MAGI2: variants seen among roughly 807,000 people sequenced by gnomAD.
The protein encoded by MAGI2 is membrane-associated guanylate kinase, WW and PDZ domain-containing protein 2.
A neutral mutation model predicts 133.3 loss-of-function variants in MAGI2; 35 were observed. That is an observed-to-expected ratio of 0.26 (90% confidence interval 0.20 to 0.35). The LOEUF (loss-of-function observed/expected upper bound fraction) is 0.35. Ranked by LOEUF, MAGI2 falls within the 10% of genes least tolerant of loss-of-function variation. The pLI is 1.00. For synonymous variants in MAGI2, 729 were observed against 710.6 expected (o/e 1.03, Z -0.41); for missense variants, 1,636 against 1,863.4 (o/e 0.88, Z 2.25).
chr7:79,026,030 T>G (rs2116744621), intron 1 of MAGI2, among the ~76,000 whole-genome samples: 1 of 152,344 alleles, frequency 6.6e-6, no homozygotes, highest in Middle Eastern at 3.4e-3. Flanking sequence ...CCAGGCATAC[T>G]GCTCTAGATT....
At chr7:78,503,105 T>C (rs1485339394) in intron 4 of MAGI2, among the ~76,000 whole-genome samples, 1 of 151,924 alleles carries the variant, frequency 6.6e-6, no homozygotes, top group African/African-American at 2.4e-5. Flanking sequence ...TGTAATACTC[T>C]AAGCGCAAAG....
intron 1 of MAGI2, among the ~76,000 whole-genome samples, chr7:79,434,612 A>T (rs1369491025): frequency 6.6e-6 from 1 of 152,228 alleles, no homozygotes; most frequent in Non-Finnish European, 1.5e-5. Flanking sequence ...AGTGAACTCT[A>T]AATATATTCA....
chr7:78,206,268 A>G (rs901616151), intron 10 of MAGI2, among the ~76,000 whole-genome samples: 1 of 151,316 alleles, frequency 6.6e-6, no homozygotes, highest in Admixed American at 6.6e-5. Context: ...TAACACCAAG[A>G]CAACTTTTCT....
intron 2 of MAGI2, among the ~76,000 whole-genome samples, chr7:78,979,572 A>T (rs1804605886): frequency 6.6e-6 from 1 of 151,804 alleles, no homozygotes; most frequent in Non-Finnish European, 1.5e-5. Context: ...TCCCATGGGA[A>T]GTAGAAGGCA....
chr7:78,924,924 G>A (rs1038509301), intron 2 of MAGI2, among the ~76,000 whole-genome samples: 6 of 151,570 alleles, frequency 4.0e-5, no homozygotes, highest in African/African-American at 1.5e-4. Context: ...CTTTTACTTC[G>A]AGGTCATGCT....
intron 2 of MAGI2, among the ~76,000 whole-genome samples, chr7:78,638,763 C>A (rs1809952639): frequency 6.6e-6 from 1 of 151,862 alleles, no homozygotes; most frequent in Non-Finnish European, 1.5e-5. Context: ...GACAAATGAC[C>A]CTTTTGTTAC....
intron 2 of MAGI2, among the ~76,000 whole-genome samples, chr7:78,810,162 A>T (rs764513858): frequency 2.0e-5 from 3 of 152,070 alleles, no homozygotes; most frequent in Admixed American, 6.6e-5. Flanking sequence ...TGTTTTCCTG[A>T]TAAGTTATAG....
intron 1 of MAGI2, among the ~76,000 whole-genome samples, chr7:79,011,816 T>C (rs1174232181): frequency 1.3e-5 from 2 of 152,118 alleles, no homozygotes; most frequent in African/African-American, 2.4e-5. Flanking sequence ...TGCTTTACTT[T>C]TTGCATTCAA....
At chr7:78,852,906 T>C (rs937245233) in intron 2 of MAGI2, among the ~76,000 whole-genome samples, 3 of 152,168 alleles carry the variant, frequency 2.0e-5, no homozygotes, top group Non-Finnish European at 2.9e-5. Context: ...AAAATTCCTA[T>C]AAAAGCAAGA....
At chr7:79,407,216 T>C (rs1235955680) in intron 1 of MAGI2, among the ~76,000 whole-genome samples, 1 of 152,176 alleles carries the variant, frequency 6.6e-6, no homozygotes, top group Non-Finnish European at 1.5e-5. Flanking sequence ...TTCATACCCA[T>C]GCCTATTCAG....
intron 21 of MAGI2, among the ~76,000 whole-genome samples, chr7:78,027,090 A>G (rs73703872): frequency 0.047 from 7,123 of 152,230 alleles, 560 homozygotes; most frequent in African/African-American, 0.16. Flanking sequence ...GGCTTTCGGA[A>G]TTGGGTAATG....
intron 20 of MAGI2, among the ~76,000 whole-genome samples, chr7:78,094,034 A>AT (rs1332413173): frequency 2.2e-4 from 34 of 152,290 alleles, no homozygotes; most frequent in Middle Eastern, 3.4e-3. Context: ...TCATATATAT[A>AT]TTTTTTCCAT....
chr7:79,174,812 CA>C (rs1825947956), intron 1 of MAGI2, among the ~76,000 whole-genome samples: 1 of 151,344 alleles, frequency 6.6e-6, no homozygotes, highest in South Asian at 2.1e-4. Context: ...AATTAGACAA[CA>C]AAAAAGTAAA....
chr7:79,162,592 T>C (rs1451822683), intron 1 of MAGI2, among the ~76,000 whole-genome samples: 4 of 152,004 alleles, frequency 2.6e-5, no homozygotes, highest in Non-Finnish European at 4.4e-5. Context: ...TGTGTCACCT[T>C]TGCATCCACT....
At chr7:78,960,737 T>G (rs570867327) in intron 2 of MAGI2, among the ~76,000 whole-genome samples, 2 of 152,250 alleles carry the variant, frequency 1.3e-5, no homozygotes, top group East Asian at 3.9e-4. Context: ...CAACATTGCA[T>G]AGTTAGTGAG....
intron 16 of MAGI2, among the ~76,000 whole-genome samples, chr7:78,145,253 C>G (rs909088036): frequency 6.6e-6 from 1 of 152,126 alleles, no homozygotes; most frequent in African/African-American, 2.4e-5. Context: ...GGCCTGAACC[C>G]ATTAGGATTT....
intron 1 of MAGI2, among the ~76,000 whole-genome samples, chr7:79,107,931 G>A (rs1447611468): frequency 6.6e-6 from 1 of 152,052 alleles, no homozygotes; most frequent in African/African-American, 2.4e-5. Context: ...CTAATTCTAT[G>A]GTTTAAACTT....
intron 1 of MAGI2, among the ~76,000 whole-genome samples, chr7:79,146,336 T>C (rs1054853141): frequency 2.2e-4 from 33 of 152,164 alleles, no homozygotes; most frequent in Non-Finnish European, 2.9e-5. Context: ...TTCTCACGAG[T>C]TCATGTGTTG....
intron 1 of MAGI2, among the ~76,000 whole-genome samples, chr7:79,418,054 T>C (rs999949298): frequency 1.3e-5 from 2 of 152,098 alleles, no homozygotes; most frequent in African/African-American, 2.4e-5. Flanking sequence ...TTATACAAAA[T>C]CTATTTTCAG....
Sources: allele counts gnomAD v4.1 joint callset (sites outside exome capture counted in the v4.1 genomes callset), GRCh38; gene constraint gnomAD v4.1.1; transcripts MANE v1.5; gene names NCBI Gene and HGNC (gene_info 2026-07-23, HGNC 2026-07-21).